Variants in STARD13 observed in about 807,000 individuals in gnomAD.
STARD13 encodes the protein stAR-related lipid transfer protein 13.
Under a neutral mutation model 106.4 loss-of-function variants are expected in STARD13, and 62 were observed. That is an observed-to-expected ratio of 0.58 (90% confidence interval 0.48 to 0.72). The LOEUF (loss-of-function observed/expected upper bound fraction) is 0.72. STARD13 is among the 30% of genes least tolerant of loss of function. The pLI is 0.00. For synonymous variants in STARD13, 565 were observed against 553.0 expected, an observed-to-expected ratio of 1.02 and a Z score of -0.31; for missense variants, 1,387 against 1,424.0, an observed-to-expected ratio of 0.97 and a Z score of 0.42.
chr13:33,306,478 G>C (rs191257828), intron 1 of STARD13, among the ~76,000 whole-genome samples: 3 of 152,226 alleles, frequency 2.0e-5, no homozygotes, highest in Non-Finnish European at 4.4e-5. Context: ...TTAACAAATG[G>C]TATCTAATTA....
At chr13:33,579,454 A>G in the STARD13 span, among the ~76,000 whole-genome samples, 1 of 151,840 alleles carries the variant, frequency 6.6e-6, no homozygotes, top group Non-Finnish European at 1.5e-5. Context: ...GGTACACAAA[A>G]CCATGCAGGG....
chr13:33,376,310 T>C, the STARD13 span, among the ~76,000 whole-genome samples: 2 of 152,086 alleles, frequency 1.3e-5, no homozygotes, highest in African/African-American at 2.4e-5. Flanking sequence ...GATACCTAAG[T>C]TTAAATAAAA....
intron 4 of STARD13, among the ~76,000 whole-genome samples, chr13:33,133,507 G>A (rs901132857): frequency 1.3e-5 from 2 of 152,144 alleles, no homozygotes; most frequent in Admixed American, 6.5e-5. Context: ...TGCCTACAAC[G>A]ATCATGGTAT....
the STARD13 span, among the ~76,000 whole-genome samples, chr13:33,406,790 T>TAAATATCAAAATAGACTA: frequency 6.6e-6 from 1 of 152,128 alleles, no homozygotes; most frequent in South Asian, 2.1e-4. Context: ...TAAAGGACCC[T>TAAATATCAAAATAGACTA]TGTTGATAGT....
chr13:33,551,683 C>T, the STARD13 span, among the ~76,000 whole-genome samples: 1 of 138,376 alleles, frequency 7.2e-6, no homozygotes, highest in Admixed American at 7.9e-5. Flanking sequence ...CAAGCAACCT[C>T]CACCTCCTGG....
At chr13:33,366,065 A>G in the STARD13 span, among the ~76,000 whole-genome samples, 1 of 152,004 alleles carries the variant, frequency 6.6e-6, no homozygotes, top group Non-Finnish European at 1.5e-5. The surrounding 1 kb of genome is among the most constrained non-coding windows in gnomAD (Gnocchi z 4.2). Flanking sequence ...AGTGATATAT[A>G]TATATCACTT....
chr13:33,116,579 C>T (rs1296558256), intron 8 of STARD13, among the ~76,000 whole-genome samples: 1 of 152,220 alleles, frequency 6.6e-6, no homozygotes, highest in African/African-American at 2.4e-5. Flanking sequence ...GGGCCAAAGA[C>T]ATTTATTTCT....
At chr13:33,372,923 G>T in the STARD13 span, among the ~76,000 whole-genome samples, 1 of 152,056 alleles carries the variant, frequency 6.6e-6, no homozygotes, top group East Asian at 1.9e-4. Flanking sequence ...TATCAATGAT[G>T]AATTTGATTA....
rs1338723221 is a variant in STARD13, at chr13:33,103,426, G to A, written c.*2167C>T. ...TATGCAGCGGTGATATGATTACTAT[G>A]TGCACAAAAACAAAAAAGTCAGATA... On this transcript the variant is annotated 3_prime_UTR_variant, in exon 14 of 14. Coordinates refer to ENST00000336934, the MANE Select transcript of STARD13 (RefSeq NM_178006.4). The A allele has an allele frequency of 1.3e-5, 2 of 152,534 alleles. No individual in the cohort carries two copies. Among genetic ancestry groups the A allele is most frequent in the South Asian group, 2.1e-4 (1 of 4,832 alleles). 9.4% of individuals were successfully genotyped at this position (152,534 alleles called of 1,614,324 possible).
chr13:33,554,038 CCCTT>C, the STARD13 span, among the ~76,000 whole-genome samples: 1 of 152,064 alleles, frequency 6.6e-6, no homozygotes, highest in Non-Finnish European at 1.5e-5. Context: ...AAATGCCTCT[CCCTT>C]CCATGAGTTT....
chr13:33,316,594 T>C (rs1893348761), intron 1 of STARD13, among the ~76,000 whole-genome samples: 1 of 152,202 alleles, frequency 6.6e-6, no homozygotes, highest in Non-Finnish European at 1.5e-5. Context: ...GTGATTTGCC[T>C]GCTGTCACAC....
the STARD13 span, among the ~76,000 whole-genome samples, chr13:33,623,316 T>C: frequency 6.6e-6 from 1 of 151,668 alleles, no homozygotes; most frequent in African/African-American, 2.4e-5. Flanking sequence ...ACCACAAATT[T>C]TGTAGAAAAA....
the STARD13 span, among the ~76,000 whole-genome samples, chr13:33,358,272 T>TG: frequency 6.6e-6 from 1 of 152,170 alleles, no homozygotes; most frequent in Admixed American, 6.5e-5. Context: ...ACCCACTCCA[T>TG]GGGCTCCTGT....
chr13:33,192,065 T>C (rs1445594793), intron 1 of STARD13, among the ~76,000 whole-genome samples: 1 of 152,234 alleles, frequency 6.6e-6, no homozygotes, highest in Non-Finnish European at 1.5e-5. Flanking sequence ...AGTCTCTGTT[T>C]TTTGGCAGTT....
At chr13:33,498,473 T>C in the STARD13 span, among the ~76,000 whole-genome samples, 1 of 152,188 alleles carries the variant, frequency 6.6e-6, no homozygotes, top group Non-Finnish European at 1.5e-5. Flanking sequence ...AGGCAAGAGA[T>C]AAGGTAATAG....
Position 33,280,610 on chromosome 13 carries a change from A to T in STARD13, c.169+4860T>A, listed in dbSNP as rs1891726902. On this transcript the variant is annotated intron_variant, in intron 1 of 13. Transcript: ENST00000336934. ...TGTTTACAAGTTTCTGTATAATTAT[A>T]GTTATACTGACATTTAAATAGTTCA... The T allele has an allele frequency of 2.0e-5, 3 of 152,202 alleles. No individual in the cohort carries two copies. The South Asian group carries it at 6.2e-4, about 31-fold the overall frequency. 9.4% of individuals were successfully genotyped at this position (152,202 alleles called of 1,614,324 possible). A position where few individuals can be genotyped will look rare whatever the true frequency, so the allele number is the denominator to read the frequency against.
chr13:33,463,868 C>T, the STARD13 span, among the ~76,000 whole-genome samples: 2 of 151,840 alleles, frequency 1.3e-5, no homozygotes, highest in Admixed American at 6.6e-5. Context: ...AAAAATTAGC[C>T]AGGCATGGTG....
intron 12 of STARD13, among the ~76,000 whole-genome samples, chr13:33,109,394 A>G (rs1465230359): frequency 1.3e-5 from 2 of 152,212 alleles, no homozygotes; most frequent in Non-Finnish European, 2.9e-5. Context: ...GGGCAGTGCC[A>G]AGGTTTCTGA....
At chr13:33,431,054 T>A in the STARD13 span, among the ~76,000 whole-genome samples, 1 of 152,202 alleles carries the variant, frequency 6.6e-6, no homozygotes, top group African/African-American at 2.4e-5. Flanking sequence ...TCAAAATAGC[T>A]AGAAGAGAAC....
Sources: gnomAD v4.1 joint callset for allele counts (sites outside exome capture counted in the v4.1 genomes callset) on GRCh38, gnomAD v4.1.1 for gene constraint, Gnocchi (gnomAD v3.1) non-coding constraint, MANE v1.5 for transcripts, NCBI Gene and HGNC (gene_info 2026-07-23, HGNC 2026-07-21) for gene names.